The following FHIT variants were observed in gnomAD, a reference collection of about 807,000 sequenced individuals.
The protein encoded by FHIT is bis(5'-adenosyl)-triphosphatase.
FHIT carries 19 observed loss-of-function variants against 17.9 expected under a neutral mutation model. That is an observed-to-expected ratio of 1.06 (90% CI 0.74 to 1.56). FHIT has a LOEUF of 1.56. Among genes scored for constraint, FHIT ranks in the 40% most tolerant of loss-of-function variants. FHIT has a pLI of 0.00. For synonymous variants in FHIT, 81 were observed against 69.7 expected (o/e 1.16, Z -0.81); for missense variants, 248 against 189.2 (o/e 1.31, Z -1.82).
At chr3:61,240,341 A>C (rs529293637) in intron 1 of FHIT, among the ~76,000 whole-genome samples, 2 of 152,306 alleles carry the variant, frequency 1.3e-5, no homozygotes, top group Non-Finnish European at 1.5e-5. Context: ...CAAGCTTTGC[A>C]CAGCACAACT....
At chr3:60,700,799 T>A (rs2041228040) in intron 4 of FHIT, among the ~76,000 whole-genome samples, 1 of 152,188 alleles carries the variant, frequency 6.6e-6, no homozygotes, top group African/African-American at 2.4e-5. Context: ...GATTTTAATT[T>A]GTATTTCCAC....
chr3:59,851,100 C>T (rs1701914284), intron 8 of FHIT, among the ~76,000 whole-genome samples: 1 of 152,182 alleles, frequency 6.6e-6, no homozygotes, highest in South Asian at 2.1e-4. Flanking sequence ...GACTCAATGG[C>T]TCCTCCTGGA....
At chr3:60,004,489 T>A (rs1699847182) in intron 7 of FHIT, among the ~76,000 whole-genome samples, 1 of 152,168 alleles carries the variant, frequency 6.6e-6, no homozygotes, top group Admixed American at 6.6e-5. Flanking sequence ...ACCTGTGTAA[T>A]AAACAGGGAT....
In FHIT at chr3:60,720,659, C is replaced by A. The variant is rs2041789741; in HGVS notation, c.-18+101260G>T. On this transcript the variant is annotated intron_variant, in intron 4 of 9. Coordinates refer to ENST00000492590, the MANE Select transcript of FHIT (RefSeq NM_002012.4). ...AGTCAGAATCTCTAGGTGGTGGGAC[C>A]CATGCACCTGAGGATTTTAAAACTC... Among the ~76,000 whole-genome samples, 3 of 152,084 alleles carry A rather than the reference C, an allele frequency of 2.0e-5. No homozygotes were observed. In the South Asian group the frequency reaches 6.2e-4, roughly 32 times the overall value.
At chr3:60,741,766 G>T (rs2205359) in intron 4 of FHIT, among the ~76,000 whole-genome samples, 55,480 of 152,052 alleles carry the variant, frequency 0.36, 10,494 homozygotes, top group East Asian at 0.59. Flanking sequence ...AGGCACAAGT[G>T]GGGATGGCTG....
intron 4 of FHIT, among the ~76,000 whole-genome samples, chr3:60,639,316 T>C (rs782236421): frequency 1.3e-5 from 2 of 152,028 alleles, no homozygotes; most frequent in Non-Finnish European, 2.9e-5. Flanking sequence ...GTGATCCCAA[T>C]ACTCCTAACG....
chr3:61,088,936 T>C (rs775877226), intron 2 of FHIT, among the ~76,000 whole-genome samples: 1 of 152,142 alleles, frequency 6.6e-6, no homozygotes, highest in Non-Finnish European at 1.5e-5. Flanking sequence ...TTGAGAGTCA[T>C]GGACATTGGG....
intron 5 of FHIT, among the ~76,000 whole-genome samples, chr3:60,311,250 C>CGTGTGT (rs10621849): frequency 0.11 from 17,078 of 150,852 alleles, 1,030 homozygotes; most frequent in East Asian, 0.15. Flanking sequence ...TCTACCCCAA[C>CGTGTGT]GTGTGTGTGT....
intron 8 of FHIT, among the ~76,000 whole-genome samples, chr3:59,897,754 A>G (rs1250858388): frequency 6.6e-6 from 1 of 151,152 alleles, no homozygotes; most frequent in Non-Finnish European, 1.5e-5. Context: ...ATGCTCCAAA[A>G]TCTGAAACTT....
At chr3:61,071,363 T>C (rs1363960445) in intron 2 of FHIT, among the ~76,000 whole-genome samples, 1 of 152,212 alleles carries the variant, frequency 6.6e-6, no homozygotes, top group African/African-American at 2.4e-5. Flanking sequence ...TTCACAATTT[T>C]AAAACATATA....
chr3:60,038,698 G>A (rs1243529784), intron 5 of FHIT, among the ~76,000 whole-genome samples: 2 of 84,606 alleles, frequency 2.4e-5, no homozygotes, highest in East Asian at 4.2e-4. Flanking sequence ...GCTCGCTACT[G>A]ATAAAAGAAT....
At chr3:60,212,731 G>C (rs1177233130) in intron 5 of FHIT, among the ~76,000 whole-genome samples, 1 of 152,176 alleles carries the variant, frequency 6.6e-6, no homozygotes, top group Non-Finnish European at 1.5e-5. Context: ...CACTGGGACA[G>C]AGGACAGGAA....
intron 4 of FHIT, among the ~76,000 whole-genome samples, chr3:60,744,271 A>AAAAAAAAAAAAAAAAAAAAAAAAAAAC (rs2042309303): frequency 9.6e-5 from 5 of 52,108 alleles, no homozygotes; most frequent in African/African-American, 3.4e-4. Flanking sequence ...AACAAAACAA[A>AAAAAAAAAAAAAAAAAAAAAAAAAAAC]AAAAAAAAAA....
chr3:60,115,545 G>C (rs1255935179), intron 5 of FHIT, among the ~76,000 whole-genome samples: 1 of 152,096 alleles, frequency 6.6e-6, no homozygotes, highest in Non-Finnish European at 1.5e-5. Context: ...GGGAAAATTG[G>C]CCTACATATC....
At chr3:60,478,572 T>C (rs571520646) in intron 5 of FHIT, among the ~76,000 whole-genome samples, 101 of 152,318 alleles carry the variant, frequency 6.6e-4, no homozygotes, top group Admixed American at 1.8e-3. Context: ...ATCATGGTGA[T>C]GGTGGTGATG....
At chr3:60,486,314 G>A (rs1047813447) in intron 5 of FHIT, among the ~76,000 whole-genome samples, 1 of 152,134 alleles carries the variant, frequency 6.6e-6, no homozygotes, top group Non-Finnish European at 1.5e-5. Flanking sequence ...CCATATGTCA[G>A]ATGTACTTCA....
intron 5 of FHIT, among the ~76,000 whole-genome samples, chr3:60,395,389 G>T (rs1701397025): frequency 1.3e-5 from 2 of 152,164 alleles, no homozygotes; most frequent in Admixed American, 1.3e-4. Context: ...TAAAATCCTT[G>T]TTCAAAGGCA....
intron 2 of FHIT, among the ~76,000 whole-genome samples, chr3:61,074,297 G>C (rs2034901777): frequency 6.6e-6 from 1 of 152,124 alleles, no homozygotes. Flanking sequence ...TTTTAGAAAT[G>C]AGACATCTCT....
At chr3:59,947,017 C>G (rs567860607) in intron 7 of FHIT, among the ~76,000 whole-genome samples, 1 of 152,312 alleles carries the variant, frequency 6.6e-6, no homozygotes, top group South Asian at 2.1e-4. Context: ...CAGAAAAATG[C>G]TGGCCTCACA....
Sources: gnomAD v4.1 joint callset for allele counts (sites outside exome capture counted in the v4.1 genomes callset) on GRCh38, gnomAD v4.1.1 for gene constraint, MANE v1.5 for transcripts, NCBI Gene and HGNC (gene_info 2026-07-23, HGNC 2026-07-21) for gene names.